The following PDE2A variants were observed in gnomAD, a reference collection of about 807,000 sequenced individuals.
PDE2A encodes the protein cGMP-dependent 3',5'-cyclic phosphodiesterase.
Under a neutral mutation model 133.6 loss-of-function variants are expected in PDE2A, and 53 were observed. That is an observed-to-expected ratio of 0.40 (90% confidence interval 0.32 to 0.50). PDE2A has a LOEUF of 0.50. Among genes scored for constraint, PDE2A ranks in the 20% least tolerant of loss-of-function variants. The pLI, the probability that PDE2A is intolerant of heterozygous loss-of-function variation, is 0.73. For synonymous variants in PDE2A, 491 were observed against 490.2 expected (o/e 1.00, Z -0.02); for missense variants, 796 against 1,232.4 (o/e 0.65, Z 5.30).
chr11:72,673,398 T>TACATACACACAC (rs1555007444), intron 1 of PDE2A, among the ~76,000 whole-genome samples: 1 of 148,356 alleles, frequency 6.7e-6, no homozygotes, highest in African/African-American at 2.5e-5. Flanking sequence ...TCCACATGTA[T>TACATACACACAC]ACACACACAC....
chr11:72,619,070 A>G (rs1180842410), intron 2 of PDE2A, among the ~76,000 whole-genome samples: 2 of 149,404 alleles, frequency 1.3e-5, no homozygotes, highest in Non-Finnish European at 3.0e-5. Context: ...ACACACACAC[A>G]CGCACACACT....
At chr11:72,613,742 G>A (rs1857328946) in intron 2 of PDE2A, among the ~76,000 whole-genome samples, 1 of 152,138 alleles carries the variant, frequency 6.6e-6, no homozygotes, top group Admixed American at 6.5e-5. Flanking sequence ...TAACTCAAGA[G>A]AAGCGCCCAC....
Position 72,579,005 on chromosome 11 carries a change from G to A in PDE2A, c.2361C>T (p.Gly787=), listed in dbSNP as rs772092539. The A allele has an allele frequency of 4.1e-5, 66 of 1,609,676 alleles. No individual in the cohort carries two copies. The highest frequency in any genetic ancestry group is 5.6e-5 in the Non-Finnish European group (66 of 1,176,130). ...GGTGCTGCTTGTTGTTTCGGTCGTA[G>A]CCCACTGTTGAGGGGAGGATGGGGT... ...FKDLQKMAEV[G]YDRNNKQHHR... Residue 787 remains glycine, a synonymous_variant, in exon 28 of 31, where the codon GGC becomes GGT. Transcript: ENST00000334456.
intron 12 of PDE2A, 55 bp from the exon 13 acceptor site, chr11:72,588,969 C>T: frequency 6.4e-7 from 1 of 1,551,218 alleles, no homozygotes; most frequent in Non-Finnish European, 8.8e-7. Flanking sequence ...TGCTTCCCTC[C>T]TCCAGCCCTC....
At chr11:72,629,516 G>A (rs980960370) in intron 2 of PDE2A, among the ~76,000 whole-genome samples, 6 of 152,226 alleles carry the variant, frequency 3.9e-5, no homozygotes, top group Admixed American at 3.9e-4. Context: ...CATGGGGAAT[G>A]CCATGGCAGT....
intron 1 of PDE2A, among the ~76,000 whole-genome samples, chr11:72,671,373 G>A (rs191025040): frequency 1.4e-4 from 21 of 152,316 alleles, no homozygotes; most frequent in African/African-American, 5.1e-4. Flanking sequence ...GATTTCATAG[G>A]CCCAAGCAGC....
chr11:72,612,285 AC>A (rs1857245165), intron 2 of PDE2A, among the ~76,000 whole-genome samples: 2 of 98,670 alleles, frequency 2.0e-5, no homozygotes, highest in African/African-American at 7.4e-5. Context: ...CCACACACAC[AC>A]ACACACACAC....
chr11:72,641,835 C>G (rs1488076554), intron 2 of PDE2A, among the ~76,000 whole-genome samples: 1 of 152,186 alleles, frequency 6.6e-6, no homozygotes, highest in African/African-American at 2.4e-5. Flanking sequence ...TTGGGTGAGG[C>G]CGGCTCTGAG....
At chr11:72,642,364 G>A (rs778291409) in intron 1 of PDE2A, 38 bp from the exon 2 acceptor site, 10 of 1,397,454 alleles carry the variant, frequency 7.2e-6, no homozygotes, top group Non-Finnish European at 7.5e-6. Context: ...ATGTGGTGCA[G>A]CACCAGGACC....
intron 1 of PDE2A, among the ~76,000 whole-genome samples, chr11:72,673,386 A>T (rs1347512545): frequency 2.2e-5 from 3 of 138,796 alleles, no homozygotes; most frequent in African/African-American, 8.2e-5. Flanking sequence ...TGTCCCTTAC[A>T]TTCCACATGT....
chr11:72,657,698 C>T, intron 1 of PDE2A: 1 of 433,462 alleles, frequency 2.3e-6, no homozygotes, highest in Non-Finnish European at 4.6e-6. Context: ...CTGATCAGAG[C>T]AGCCACTGGA....
rs1348072447 is a variant in PDE2A at position 72,668,918 on chromosome 11, G to A, written c.71+5219C>T. ...CCCTCCCACACGATGACAGCCCTGA[G>A]CTCCTAGCTCTGGTCTCTCCCTCTC... On this transcript the variant is annotated intron_variant, in intron 1 of 30. Coordinates refer to ENST00000334456, the MANE Select transcript of PDE2A (RefSeq NM_002599.5). 5 of 1,029,938 alleles carry A rather than the reference G, an allele frequency of 4.9e-6. No individual in the cohort carries two copies. The African/African-American group carries it at 8.5e-5, about 18-fold the overall frequency. 63.8% of individuals were successfully genotyped at this position (1,029,938 alleles called of 1,614,324 possible). A position where few individuals can be genotyped will look rare whatever the true frequency, so the allele number is the denominator to read the frequency against.
At chr11:72,668,677 C>A (rs1855306518) in intron 1 of PDE2A, among the ~76,000 whole-genome samples, 1 of 152,258 alleles carries the variant, frequency 6.6e-6, no homozygotes, top group African/African-American at 2.4e-5. Context: ...GACTACAGCT[C>A]CCAGAATGGC....
At chr11:72,653,024 A>G (rs1301854617) in intron 1 of PDE2A, among the ~76,000 whole-genome samples, 1 of 152,208 alleles carries the variant, frequency 6.6e-6, no homozygotes. Context: ...CTGTGGTGGG[A>G]CTGGGAGATG....
At chr11:72,607,326 A>G (rs1290506648) in intron 3 of PDE2A, among the ~76,000 whole-genome samples, 13 of 150,918 alleles carry the variant, frequency 8.6e-5, no homozygotes, top group Non-Finnish European at 1.5e-5. Context: ...TCCTCCTCCC[A>G]CCCTACGGCA....
chr11:72,596,584 G>T lies in PDE2A; in HGVS notation c.489+9C>A. On this transcript the variant is annotated intron_variant, in intron 6 of 30. Coordinates refer to ENST00000334456, the MANE Select transcript of PDE2A (RefSeq NM_002599.5). ...CTCCCTACATCCCACCGCCTAGGCA[G>T]GCTCTTACCAAGATGACAGCTGCCA... 1 of 1,476,592 alleles carries T rather than the reference G, an allele frequency of 6.8e-7. No homozygotes were observed. Among genetic ancestry groups the T allele is most frequent in the Non-Finnish European group, 9.1e-7 (1 of 1,103,696 alleles). The allele number at this position is 1,476,592 out of a possible 1,614,324, so 91.5% of individuals were successfully genotyped here.
At chr11:72,640,924 C>T (rs1858924546) in intron 2 of PDE2A, among the ~76,000 whole-genome samples, 1 of 152,124 alleles carries the variant, frequency 6.6e-6, no homozygotes, top group Admixed American at 6.5e-5. Context: ...TGCCATAGAC[C>T]CATAATTCCC....
intron 1 of PDE2A, among the ~76,000 whole-genome samples, chr11:72,646,181 T>G (rs1859123254): frequency 6.6e-6 from 1 of 152,178 alleles, no homozygotes; most frequent in African/African-American, 2.4e-5. Context: ...AGCCAACTCT[T>G]TTTGTCTTCC....
chr11:72,590,938 A>C lies in PDE2A; in HGVS notation c.550-358T>G. On this transcript the variant is annotated intron_variant, in intron 7 of 30. Transcript: ENST00000334456. This position sits in a 1 kb window ranked among gnomAD's most constrained non-coding sequence, Gnocchi z 4.8. ...GTCTCAGGCATGAAAGAGCCTCAGT[A>C]TCATTATGTGGAGGGTTCTTTCTAA... 2.8e-6 allele frequency: 1 copy of C among 352,828 alleles called. No homozygotes were observed. The highest frequency in any genetic ancestry group is 5.1e-6 in the Non-Finnish European group (1 of 196,742). 21.9% of individuals were successfully genotyped at this position (352,828 alleles called of 1,614,324 possible). A position where few individuals can be genotyped will look rare whatever the true frequency, so the allele number is the denominator to read the frequency against.
Sources: gnomAD v4.1 joint callset for allele counts (sites outside exome capture counted in the v4.1 genomes callset) on GRCh38, gnomAD v4.1.1 for gene constraint, Gnocchi (gnomAD v3.1) non-coding constraint, MANE v1.5 for transcripts, NCBI Gene and HGNC (gene_info 2026-07-23, HGNC 2026-07-21) for gene names.